RIMBP2: variants seen among roughly 807,000 people sequenced by gnomAD.
RIMBP2 encodes RIMS-binding protein 2.
In RIMBP2, 48 loss-of-function variants were observed where a neutral mutation model predicts 118.6. The observed-to-expected ratio is 0.40, with a 90% CI of 0.32 to 0.51. The LOEUF is 0.51. Ranked by LOEUF, RIMBP2 falls within the 20% of genes least tolerant of loss-of-function variation. The probability of loss-of-function intolerance (pLI) is 0.41; values close to 1 mark genes in which losing one functional copy is unlikely to be tolerated. For synonymous variants in RIMBP2, 762 were observed against 742.9 expected (o/e 1.03, Z -0.42); for missense variants, 1,551 against 1,768.3 (o/e 0.88, Z 2.20).
intron 2 of RIMBP2, among the ~76,000 whole-genome samples, chr12:130,608,655 C>T (rs2060328934): frequency 6.6e-6 from 1 of 152,164 alleles, no homozygotes; most frequent in Admixed American, 6.5e-5. Context: ...AGAGCGCTGC[C>T]CAGGCCACTC....
chr12:130,686,601 T>C (rs2065056543), intron 1 of RIMBP2, among the ~76,000 whole-genome samples: 1 of 152,166 alleles, frequency 6.6e-6, no homozygotes, highest in Non-Finnish European at 1.5e-5. Context: ...TCTGCCAAGA[T>C]CAGGACTTGA....
chr12:130,648,479 G>A lies in RIMBP2; in HGVS notation c.-351-20023C>T, dbSNP rs570756976. ...CTTAAAATACATTCCATCTGTATGC[G>A]TCTTCTAAATCCCCCAGCAAAATCA... On this transcript the variant is annotated intron_variant, in intron 1 of 22. Coordinates refer to ENST00000690449, the MANE Select transcript of RIMBP2 (RefSeq NM_001393629.1). Among the ~76,000 whole-genome samples, 6 of 145,086 alleles carry A rather than the reference G, an allele frequency of 4.1e-5. No homozygotes were observed. In the South Asian group the frequency reaches 1.1e-3, roughly 26 times the overall value.
At chr12:130,433,482 C>T (rs2077289198) in intron 14 of RIMBP2, among the ~76,000 whole-genome samples, 1 of 152,206 alleles carries the variant, frequency 6.6e-6, no homozygotes, top group African/African-American at 2.4e-5. Context: ...ACCCTCAGCA[C>T]ATGCCAGAGC....
Position 130,671,287 on chromosome 12 carries a change from CCTCA to C in RIMBP2, c.-351-42835_-351-42832del, listed in dbSNP as rs574595832. Among the ~76,000 whole-genome samples the C allele has an allele frequency of 2.4e-3, 367 of 152,318 alleles. 4 individuals carry two copies. Among genetic ancestry groups the C allele is most frequent in the African/African-American group, 7.6e-3 (316 of 41,580 alleles). ...AATGAAGTCCCCCTTGTTTACGCCA[CCTCA>C]CTGTCAGATGCCGTCATTCCTCACT... On this transcript the variant is annotated intron_variant, in intron 1 of 22. Transcript: ENST00000690449.
intron 1 of RIMBP2, among the ~76,000 whole-genome samples, chr12:130,682,249 G>A (rs1288200524): frequency 1.3e-5 from 2 of 152,176 alleles, no homozygotes; most frequent in African/African-American, 2.4e-5. Context: ...TTCCCAGCCA[G>A]AGAGCCTCGT....
chr12:130,702,884 G>A (rs1408419992), intron 1 of RIMBP2, among the ~76,000 whole-genome samples: 1 of 152,106 alleles, frequency 6.6e-6, no homozygotes, highest in Non-Finnish European at 1.5e-5. Flanking sequence ...TTAATCATAG[G>A]GCTGTATGGA....
intron 6 of RIMBP2, among the ~76,000 whole-genome samples, chr12:130,459,050 A>C (rs1292928365): frequency 2.1e-4 from 6 of 28,434 alleles, no homozygotes; most frequent in Non-Finnish European, 7.3e-4. Flanking sequence ...GTCTCAAAAA[A>C]AAAAAAAAAC....
chr12:130,445,385 A>AACC (rs1461326169), intron 9 of RIMBP2, 116 bp from the exon 10 acceptor site: 1 of 653,714 alleles, frequency 1.5e-6, no homozygotes, highest in Non-Finnish European at 2.6e-6. Flanking sequence ...GGGAATTACA[A>AACC]ACCCACATAA....
chr12:130,673,081 G>A (rs1431663121), intron 1 of RIMBP2, among the ~76,000 whole-genome samples: 1 of 152,180 alleles, frequency 6.6e-6, no homozygotes, highest in African/African-American at 2.4e-5. Context: ...ACTCCCACTC[G>A]AGGATGGAAG....
intron 2 of RIMBP2, among the ~76,000 whole-genome samples, chr12:130,533,279 T>C (rs545104575): frequency 6.6e-6 from 1 of 152,238 alleles, no homozygotes; most frequent in South Asian, 2.1e-4. Context: ...AAAGAAGACA[T>C]ACAAATGGCC....
chr12:130,424,371 TGCCGGGTCAGCGTCCGCC>T lies in RIMBP2; in HGVS notation c.2882_2899del (p.Arg961_Arg966del). 1.6e-6 allele frequency: 2 copies of T among 1,232,692 alleles called. No homozygotes were observed. Among genetic ancestry groups the T allele is most frequent in the South Asian group, 4.1e-5 (1 of 24,324 alleles). 76.4% of individuals were successfully genotyped at this position (1,232,692 alleles called of 1,614,324 possible). A position where few individuals can be genotyped will look rare whatever the true frequency, so the allele number is the denominator to read the frequency against. On this transcript the variant is annotated inframe_deletion, in exon 16 of 23. Coordinates refer to ENST00000690449, the MANE Select transcript of RIMBP2 (RefSeq NM_001393629.1). This position sits in a 1 kb window ranked among gnomAD's most constrained non-coding sequence, Gnocchi z 9.8. ...CCCAAAGTCCTCCTCCACGCTGCTC[TGCCGGGTCAGCGTCCGCC>T]GCCGGGCCAGCAGCGGCCTCGGGCC...
chr12:130,678,528 T>G (rs979617976), intron 1 of RIMBP2, among the ~76,000 whole-genome samples: 4 of 152,134 alleles, frequency 2.6e-5, no homozygotes, highest in Admixed American at 2.6e-4. Context: ...ACTTTTTTTT[T>G]TCTTTTTGAG....
intron 2 of RIMBP2, among the ~76,000 whole-genome samples, chr12:130,531,811 T>TC: frequency 6.6e-6 from 1 of 152,262 alleles, no homozygotes; most frequent in Admixed American, 6.5e-5. Context: ...TCCATGAGAG[T>TC]CAAAACCCAG....
At chr12:130,629,954 C>A (rs1459061320) in intron 1 of RIMBP2, among the ~76,000 whole-genome samples, 1 of 137,718 alleles carries the variant, frequency 7.3e-6, no homozygotes, top group African/African-American at 2.6e-5. Context: ...GAGAGATCAT[C>A]CAGCCAACCA....
At chr12:130,600,143 A>C (rs1473442783) in intron 2 of RIMBP2, among the ~76,000 whole-genome samples, 1 of 152,166 alleles carries the variant, frequency 6.6e-6, no homozygotes, top group Non-Finnish European at 1.5e-5. Flanking sequence ...AAAATGCATA[A>C]AATCTACCTG....
At chr12:130,464,217 C>T (rs769328086) in intron 6 of RIMBP2, among the ~76,000 whole-genome samples, 6 of 152,232 alleles carry the variant, frequency 3.9e-5, no homozygotes, top group Non-Finnish European at 8.8e-5. Flanking sequence ...TACTGGCTTT[C>T]GCCTTCCTCT....
intron 6 of RIMBP2, among the ~76,000 whole-genome samples, chr12:130,466,998 T>C (rs1277911329): frequency 6.6e-6 from 1 of 152,200 alleles, no homozygotes; most frequent in Admixed American, 6.5e-5. Flanking sequence ...TCTCTACCTA[T>C]TGAAACCACC....
chr12:130,480,726 T>C (rs1224994265), intron 4 of RIMBP2, among the ~76,000 whole-genome samples: 2 of 152,044 alleles, frequency 1.3e-5, no homozygotes, highest in African/African-American at 2.4e-5. Context: ...TCAGCCTCCC[T>C]AGTAGCTGGG....
intron 4 of RIMBP2, among the ~76,000 whole-genome samples, chr12:130,480,896 C>T (rs1243688217): frequency 6.6e-6 from 1 of 152,202 alleles, no homozygotes; most frequent in African/African-American, 2.4e-5. Flanking sequence ...CCACCGCGCC[C>T]GACCACCTTT....
Sources: allele counts gnomAD v4.1 joint callset (sites outside exome capture counted in the v4.1 genomes callset), GRCh38; gene constraint gnomAD v4.1.1; non-coding constraint Gnocchi (gnomAD v3.1); transcripts MANE v1.5; gene names NCBI Gene and HGNC (gene_info 2026-07-23, HGNC 2026-07-21).